Variants in FHIT observed in about 807,000 individuals in gnomAD.
FHIT encodes bis(5'-adenosyl)-triphosphatase.
A neutral mutation model predicts 17.9 loss-of-function variants in FHIT; 19 were observed. The ratio of observed to expected loss-of-function variants is 1.06; its 90% CI spans 0.74 to 1.56. The LOEUF is 1.56. Among genes scored for constraint, FHIT ranks in the 40% most tolerant of loss-of-function variants. FHIT has a pLI of 0.00. For synonymous variants in FHIT, 81 were observed against 69.7 expected (o/e 1.16, Z -0.81); for missense variants, 248 against 189.2 (o/e 1.31, Z -1.82).
intron 4 of FHIT, among the ~76,000 whole-genome samples, chr3:60,804,709 T>C (rs1701322353): frequency 6.6e-6 from 1 of 152,224 alleles, no homozygotes; most frequent in Non-Finnish European, 1.5e-5. Context: ...CTTGCTTCCC[T>C]GTAAACTTCT....
In FHIT at chr3:61,237,782, G is replaced by A. The variant is rs115962938; in HGVS notation, c.-213+13519C>T. Among the ~76,000 whole-genome samples the A allele has an allele frequency of 5.8e-3, 890 of 152,262 alleles. 5 individuals are homozygous for A. The highest frequency in any genetic ancestry group is 0.02 in the African/African-American group (847 of 41,550). On this transcript the variant is annotated intron_variant, in intron 1 of 9. Transcript: ENST00000492590. ...ATTATCATCTCCATTTTACAGGAAA[G>A]CGAAGCTCAGAGAGGTTGAGCACTT... is the stretch of plus-strand genomic sequence containing the variant.
intron 5 of FHIT, among the ~76,000 whole-genome samples, chr3:60,148,517 G>C (rs1203541588): frequency 1.3e-5 from 2 of 152,044 alleles, no homozygotes; most frequent in Non-Finnish European, 2.9e-5. Flanking sequence ...ATATAGTCTT[G>C]GTAACATCTT....
At chr3:60,519,502 G>C (rs1340885752) in intron 5 of FHIT, among the ~76,000 whole-genome samples, 2 of 152,068 alleles carry the variant, frequency 1.3e-5, no homozygotes, top group Non-Finnish European at 2.9e-5. Context: ...GACTATTGTT[G>C]ACTGGAAGCC....
intron 4 of FHIT, among the ~76,000 whole-genome samples, chr3:60,665,704 G>C (rs1553692303): frequency 6.6e-6 from 1 of 151,972 alleles, no homozygotes; most frequent in Admixed American, 6.6e-5. Flanking sequence ...CATACAGTTA[G>C]ATTATGTTCT....
chr3:60,626,783 C>CTTTTTTTTTTTTTTTTTTTTTTTTTTT (rs71627548), intron 4 of FHIT, among the ~76,000 whole-genome samples: 1 of 85,942 alleles, frequency 1.2e-5, no homozygotes, highest in African/African-American at 3.5e-5. Context: ...GGGGAAAACA[C>CTTTTTTTTTTTTTTTTTTTTTTTTTTT]TCTTTTTTTT....
chr3:60,490,752 T>G (rs899442636), intron 5 of FHIT, among the ~76,000 whole-genome samples: 8 of 152,148 alleles, frequency 5.3e-5, no homozygotes, highest in African/African-American at 1.9e-4. Context: ...AGTTGGTATT[T>G]ACTGAGTGCT....
intron 5 of FHIT, among the ~76,000 whole-genome samples, chr3:60,513,202 A>G (rs78433578): frequency 0.012 from 1,849 of 152,332 alleles, 34 homozygotes; most frequent in African/African-American, 0.04. Flanking sequence ...CAGATATATC[A>G]AGATGTCAAA....
chr3:59,850,579 G>A (rs561121807), intron 8 of FHIT, among the ~76,000 whole-genome samples: 2 of 152,324 alleles, frequency 1.3e-5, no homozygotes, highest in South Asian at 4.1e-4. Flanking sequence ...TAGAGTTAAT[G>A]AGCCGATACA....
intron 2 of FHIT, among the ~76,000 whole-genome samples, chr3:61,164,527 G>A (rs932468013): frequency 3.3e-5 from 5 of 152,192 alleles, no homozygotes; most frequent in African/African-American, 1.2e-4. Flanking sequence ...GTAAATAGCT[G>A]TGAAACACTG....
intron 5 of FHIT, among the ~76,000 whole-genome samples, chr3:60,200,019 T>C (rs1702825418): frequency 6.6e-6 from 1 of 152,168 alleles, no homozygotes; most frequent in Admixed American, 6.5e-5. Context: ...TTAAGGCCTT[T>C]ACTAACCCAC....
chr3:61,065,504 T>C (rs927338440), intron 2 of FHIT, among the ~76,000 whole-genome samples: 4 of 152,080 alleles, frequency 2.6e-5, no homozygotes, highest in Admixed American at 6.5e-5. Context: ...CAAGAGAAAT[T>C]AAATGGCACA....
intron 2 of FHIT, among the ~76,000 whole-genome samples, chr3:61,147,812 GC>G (rs1393094762): frequency 6.6e-6 from 1 of 151,882 alleles, no homozygotes; most frequent in Non-Finnish European, 1.5e-5. Flanking sequence ...TTACAGGAAA[GC>G]CAGTTCCTTT....
At chr3:61,148,531 T>G (rs1460795902) in intron 2 of FHIT, among the ~76,000 whole-genome samples, 2 of 152,192 alleles carry the variant, frequency 1.3e-5, no homozygotes, top group Non-Finnish European at 2.9e-5. Context: ...ATATATTTGT[T>G]GTTTGTTCCT....
intron 5 of FHIT, among the ~76,000 whole-genome samples, chr3:60,403,535 T>G (rs963666968): frequency 5.9e-5 from 9 of 152,170 alleles, no homozygotes; most frequent in Admixed American, 6.5e-5. Context: ...AAAATATTAT[T>G]CTAATCCCTA....
chr3:60,778,021 C>T (rs1700264467), intron 4 of FHIT, among the ~76,000 whole-genome samples: 1 of 152,084 alleles, frequency 6.6e-6, no homozygotes, highest in Non-Finnish European at 1.5e-5. Context: ...CCCGATGTGT[C>T]CAGAACTAAG....
chr3:60,356,927 A>C (rs1266489332), intron 5 of FHIT, among the ~76,000 whole-genome samples: 1 of 152,176 alleles, frequency 6.6e-6, no homozygotes, highest in Non-Finnish European at 1.5e-5. Context: ...CAGGTGCTTT[A>C]CATGTCATAG....
intron 5 of FHIT, among the ~76,000 whole-genome samples, chr3:60,362,066 C>A (rs1699927895): frequency 6.6e-6 from 1 of 151,686 alleles, no homozygotes; most frequent in East Asian, 1.9e-4. Context: ...GTGTTTAATA[C>A]TGAGATTTAA....
At chr3:60,772,009 A>C (rs1349965013) in intron 4 of FHIT, among the ~76,000 whole-genome samples, 1 of 152,204 alleles carries the variant, frequency 6.6e-6, no homozygotes, top group African/African-American at 2.4e-5. Flanking sequence ...CACTGCTGAC[A>C]GGTTCTTAAA....
At chr3:60,084,704 G>C (rs1019402130) in intron 5 of FHIT, among the ~76,000 whole-genome samples, 1 of 152,072 alleles carries the variant, frequency 6.6e-6, no homozygotes, top group Non-Finnish European at 1.5e-5. Flanking sequence ...ATAGGTGTTT[G>C]GTTCCTACCA....
Sources: allele counts gnomAD v4.1 joint callset (sites outside exome capture counted in the v4.1 genomes callset), GRCh38; gene constraint gnomAD v4.1.1; transcripts MANE v1.5; gene names NCBI Gene and HGNC (gene_info 2026-07-23, HGNC 2026-07-21).